Variants in KDM3A observed in about 807,000 individuals in gnomAD.
KDM3A encodes lysine-specific demethylase 3A.
Under a neutral mutation model 158.0 loss-of-function variants are expected in KDM3A, and 60 were observed. The observed-to-expected ratio is 0.38, with a 90% CI of 0.31 to 0.47. The LOEUF is 0.47. KDM3A is among the 20% of genes least tolerant of loss of function. The pLI is 0.99. For synonymous variants in KDM3A, 608 were observed against 549.3 expected (o/e 1.11, Z -1.49); for missense variants, 1,319 against 1,574.3 (o/e 0.84, Z 2.74).
intron 11 of KDM3A, among the ~76,000 whole-genome samples, chr2:86,471,257 GTA>G (rs764247411): frequency 3.4e-4 from 51 of 150,852 alleles, no homozygotes; most frequent in African/African-American, 1.1e-3. Flanking sequence ...ATATATGTGT[GTA>G]TATATATGTG....
In KDM3A at chr2:86,464,179, A is replaced by G. The variant is rs773393617; in HGVS notation, c.970A>G (p.Asn324Asp). 1.2e-6 allele frequency: 2 copies of G among 1,610,928 alleles called. No homozygotes were observed. The highest frequency in any genetic ancestry group is 1.7e-6 in the Non-Finnish European group (2 of 1,178,010). ...ACAGCAAAGTACTCCCCAGGCTGCC[A>G]ACTCTCCACCTAACCTTGGAGCAAA... The part of the protein sequence containing the change: ...PRQQSTPQAA[N>D]SPPNLGAKIP... Residue 324 changes from asparagine (N) to aspartate (D), a missense_variant, in exon 9 of 26, where the codon AAC (asparagine) becomes GAC (aspartate). By Grantham distance (23) the Asn-to-Asp change is conservative. Around this residue, in one of 4 missense-constraint regions of KDM3A, gnomAD observed 652 missense variants for 627.2 expected, o/e 1.04. Transcript: ENST00000312912.
chr2:86,481,635 AT>A (rs1673935082), intron 16 of KDM3A, among the ~76,000 whole-genome samples: 2 of 152,134 alleles, frequency 1.3e-5, no homozygotes, highest in Non-Finnish European at 2.9e-5. Context: ...TGCTGCCAAT[AT>A]TTGTAGACAG....
chr2:86,480,645 A>T (rs2104697248), intron 16 of KDM3A, among the ~76,000 whole-genome samples: 1 of 152,324 alleles, frequency 6.6e-6, no homozygotes, highest in South Asian at 2.1e-4. Context: ...TAATGAATCA[A>T]ATTTGACACT....
chr2:86,441,424 C>G lies in KDM3A; in HGVS notation c.-51C>G, dbSNP rs558680514. The G allele has an allele frequency of 3.9e-5, 6 of 152,342 alleles. No homozygotes were observed. The highest frequency in any genetic ancestry group is 1.2e-4 in the African/African-American group (5 of 41,396). 9.4% of individuals were successfully genotyped at this position (152,342 alleles called of 1,614,324 possible). A position where few individuals can be genotyped will look rare whatever the true frequency, so the allele number is the denominator to read the frequency against. On this transcript the variant is annotated 5_prime_UTR_variant, in exon 1 of 26. Coordinates refer to ENST00000312912, the MANE Select transcript of KDM3A (RefSeq NM_018433.6). The stretch of plus-strand genomic sequence containing the variant: ...TGGAAACGGCGGCTGCCGCCGGTGA[C>G]TCAGGGAGGCGGGAGGCGGGGTAAG...
chr2:86,441,262 T>C (rs1349123572), upstream of KDM3A: 1 of 151,016 alleles, frequency 6.6e-6, no homozygotes, highest in Non-Finnish European at 1.5e-5. Context: ...ATGATCTGTT[T>C]CCCCCGGAGC....
chr2:86,447,262 A>G (rs111528023), intron 2 of KDM3A, among the ~76,000 whole-genome samples: 3,448 of 151,520 alleles, frequency 0.023, 137 homozygotes, highest in African/African-American at 0.08. Flanking sequence ...AAAGTCATAA[A>G]CTTAAATTGT....
chr2:86,459,177 C>G (rs1363021641), intron 8 of KDM3A, among the ~76,000 whole-genome samples: 3 of 152,074 alleles, frequency 2.0e-5, no homozygotes, highest in Non-Finnish European at 4.4e-5. Flanking sequence ...TAGAAAGGGG[C>G]TGAGCTGCTG....
chr2:86,441,238 G>A (rs531822338), upstream of KDM3A: 80 of 152,292 alleles, frequency 5.3e-4, no homozygotes, highest in African/African-American at 1.9e-3. Flanking sequence ...CCCTCGCCCG[G>A]GGGGCCAATG....
chr2:86,459,729 T>G (rs1672851314), intron 8 of KDM3A, among the ~76,000 whole-genome samples: 1 of 150,318 alleles, frequency 6.7e-6, no homozygotes, highest in Admixed American at 6.6e-5. Context: ...GATATGATCC[T>G]GTCTCCTTGA....
At chr2:86,475,327 A>G (rs1233571924) in intron 12 of KDM3A, among the ~76,000 whole-genome samples, 1 of 152,220 alleles carries the variant, frequency 6.6e-6, no homozygotes, top group Non-Finnish European at 1.5e-5. Context: ...GTTCTTAATC[A>G]TGAATACATT....
At chr2:86,442,849 G>T (rs1682793359) in intron 2 of KDM3A, among the ~76,000 whole-genome samples, 1 of 152,068 alleles carries the variant, frequency 6.6e-6, no homozygotes, top group Non-Finnish European at 1.5e-5. Flanking sequence ...ATGGGGTGGA[G>T]CTGTCCCATA....
Position 86,480,203 on chromosome 2 carries a change from G to T in KDM3A, c.2353G>T (p.Val785Leu). Residue 785 changes from valine (V) to leucine (L), a missense_variant, in exon 16 of 26, where the codon GTG (valine) becomes TTG (leucine). Val to Leu is a conservative substitution (Grantham distance 32, BLOSUM62 1). Transcript: ENST00000312912. Reference sequence around the variant, plus strand: ...TGGAGAAAAACCGACTCTTGGTGCAGTGCTCCAGCAGAATCCCTCAGTGTT... The same window carrying T: ...TGGAGAAAAACCGACTCTTGGTGCATTGCTCCAGCAGAATCCCTCAGTGTT... ...LAGEKPTLGAVLQQNPSVLEP... is the reference protein window; with the variant it reads ...LAGEKPTLGALLQQNPSVLEP... 1.2e-6 allele frequency: 2 copies of T among 1,613,346 alleles called. No homozygotes were observed. Among genetic ancestry groups the T allele is most frequent in the Non-Finnish European group, 1.7e-6 (2 of 1,180,030 alleles).
chr2:86,447,288 CTTTT>C (rs751507169), intron 2 of KDM3A, among the ~76,000 whole-genome samples: 188 of 135,660 alleles, frequency 1.4e-3, no homozygotes, highest in African/African-American at 4.9e-3. Context: ...AGGAGGTAAA[CTTTT>C]TTTTTTTTTT....
chr2:86,442,010 T>C lies in KDM3A; in HGVS notation c.-30-8T>C. 4 of 1,610,016 alleles carry C rather than the reference T, an allele frequency of 2.5e-6. No individual in the cohort carries two copies. The highest frequency in any genetic ancestry group is 3.4e-6 in the Non-Finnish European group (4 of 1,177,662). The stretch of plus-strand genomic sequence containing the variant: ...CCCCCGTCGCATTTTGTTTTTGTGT[T>C]TTTGCAGGGAGGAGCTCTTCCTGCA... On this transcript the variant is annotated splice_polypyrimidine_tract_variant and splice_region_variant and intron_variant, in intron 1 of 25. Coordinates refer to ENST00000312912, the MANE Select transcript of KDM3A (RefSeq NM_018433.6).
In KDM3A at chr2:86,482,106, T is replaced by C; in HGVS notation, c.2685+4T>C. 1 of 1,611,476 alleles carries C rather than the reference T, an allele frequency of 6.2e-7. No homozygotes were observed. Among genetic ancestry groups the C allele is most frequent in the Non-Finnish European group, 8.5e-7 (1 of 1,178,490 alleles). On this transcript the variant is annotated splice_donor_region_variant and intron_variant, in intron 17 of 25. Coordinates refer to ENST00000312912, the MANE Select transcript of KDM3A (RefSeq NM_018433.6). The stretch of plus-strand genomic sequence containing the variant: ...CTTGAATTCTTCTACAGGAAAGGTA[T>C]GTGTTTGTTTGTTGGTATTCCATGT...
intron 6 of KDM3A, 33 bp downstream of exon 6, chr2:86,456,599 T>C (rs779425956): frequency 6.3e-7 from 1 of 1,582,762 alleles, no homozygotes; most frequent in Non-Finnish European, 8.6e-7. Context: ...GTAAGATAAC[T>C]CGACAAAGCA....
At chr2:86,444,056 G>A (rs1414752725) in intron 2 of KDM3A, among the ~76,000 whole-genome samples, 1 of 152,204 alleles carries the variant, frequency 6.6e-6, no homozygotes, top group Non-Finnish European at 1.5e-5. Flanking sequence ...AGCAGCAATT[G>A]AGGACCTGTT....
rs1673594915 is a variant in KDM3A, at chr2:86,474,913, T to C, written c.1862T>C (p.Ile621Thr). ...ATTGATTTGGACACAGCAAAGTACA[T>C]CTTGGCCAACATTGGAGACCACTTC... ...VGIDLDTAKY[I>T]LANIGDHFCQ... is the part of the protein sequence containing the mutation. Residue 621 changes from isoleucine to threonine, a missense_variant, in exon 12 of 26, where the codon ATC (isoleucine) becomes ACC (threonine). Transcript: ENST00000312912. The C allele has an allele frequency of 6.2e-7, 1 of 1,613,978 alleles. No homozygotes were observed. Among genetic ancestry groups the C allele is most frequent in the African/African-American group, 1.3e-5 (1 of 74,890 alleles).
chr2:86,440,610 T>G (rs1447189906), upstream of KDM3A: 1 of 152,266 alleles, frequency 6.6e-6, no homozygotes, highest in Admixed American at 6.5e-5. Flanking sequence ...ATACATTGTA[T>G]TTAAAGGTCT....
Sources: allele counts gnomAD v4.1 joint callset (sites outside exome capture counted in the v4.1 genomes callset), GRCh38; gene constraint gnomAD v4.1.1; regional missense constraint gnomAD v4.1.1; transcripts MANE v1.5; gene names NCBI Gene and HGNC (gene_info 2026-07-23, HGNC 2026-07-21).